The following JADE2 variants were observed in gnomAD, a reference collection of about 807,000 sequenced individuals.
The protein encoded by JADE2 is E3 ubiquitin-protein ligase Jade-2.
JADE2 carries 13 observed loss-of-function variants against 85.7 expected under a neutral mutation model. The observed-to-expected ratio is 0.15, with a 90% CI of 0.10 to 0.24. JADE2 has a LOEUF of 0.24. JADE2 is among the 10% of genes least tolerant of loss of function. The probability of loss-of-function intolerance (pLI) is 1.00; values close to 1 mark genes in which losing one functional copy is unlikely to be tolerated. For synonymous variants in JADE2, 440 were observed against 456.1 expected, an observed-to-expected ratio of 0.96 and a Z score of 0.45; for missense variants, 846 against 1,115.9, an observed-to-expected ratio of 0.76 and a Z score of 3.45.
intron 3 of JADE2, among the ~76,000 whole-genome samples, chr5:134,547,508 C>CGAGAA: frequency 1.3e-5 from 2 of 152,346 alleles, no homozygotes; most frequent in East Asian, 3.9e-4. Context: ...CAAGGCTTCT[C>CGAGAA]GTTCATCAGT....
At chr5:134,538,221 G>C (rs555903183) in intron 3 of JADE2, 138 bp downstream of exon 3, 4 of 637,074 alleles carry the variant, frequency 6.3e-6, no homozygotes, top group South Asian at 5.6e-5. Flanking sequence ...ATGAAGGGGA[G>C]TAGGGGCCAG....
At chr5:134,533,630 C>T (rs542602985) in intron 1 of JADE2, 11 of 966,750 alleles carry the variant, frequency 1.1e-5, no homozygotes, top group Non-Finnish European at 1.2e-5. Context: ...CTCCACCCAC[C>T]GATGTCAGGA....
At chr5:134,553,384 T>C (rs375871514) in intron 4 of JADE2, among the ~76,000 whole-genome samples, 1 of 149,810 alleles carries the variant, frequency 6.7e-6, no homozygotes, top group African/African-American at 2.5e-5. Flanking sequence ...AGACGGAGTC[T>C]CGCTCTTTCG....
chr5:134,544,093 G>A (rs985598302), intron 3 of JADE2, among the ~76,000 whole-genome samples: 6 of 152,254 alleles, frequency 3.9e-5, no homozygotes, highest in South Asian at 2.1e-4. Context: ...CAGGCCAAGC[G>A]GTGGGGGTTT....
intron 9 of JADE2, among the ~76,000 whole-genome samples, chr5:134,569,000 T>G (rs1763827780): frequency 6.6e-6 from 1 of 152,248 alleles, no homozygotes; most frequent in Non-Finnish European, 1.5e-5. Flanking sequence ...CTTGGTAGCC[T>G]GACTTTGCAT....
intron 1 of JADE2, chr5:134,526,741 G>A (rs756437820): frequency 1.0e-6 from 1 of 985,480 alleles, no homozygotes. Context: ...TTGGAGGGGC[G>A]GGGGACACCC....
chr5:134,537,417 A>G (rs111390050), intron 2 of JADE2, among the ~76,000 whole-genome samples: 1,636 of 152,330 alleles, frequency 0.011, 11 homozygotes, highest in Non-Finnish European at 0.017. Flanking sequence ...CTTATTCCTC[A>G]CCACAGCCCT....
At chr5:134,526,116 C>CTTTA in intron 1 of JADE2, 105 bp downstream of exon 1, 2 of 984,966 alleles carry the variant, frequency 2.0e-6, no homozygotes, top group Non-Finnish European at 2.4e-6. Context: ...CTCTCTCTTG[C>CTTTA]TCGCTCGCTC....
chr5:134,526,610 C>T (rs1760839928), intron 1 of JADE2: 1 of 985,434 alleles, frequency 1.0e-6, no homozygotes, highest in Non-Finnish European at 1.2e-6. Context: ...AGACACCTTC[C>T]GGGGGCCACC....
chr5:134,549,529 C>T (rs1033712768), intron 3 of JADE2, among the ~76,000 whole-genome samples: 4 of 152,078 alleles, frequency 2.6e-5, no homozygotes, highest in African/African-American at 7.2e-5. Context: ...AGGTGGCGGG[C>T]ACCTGTAATT....
chr5:134,557,102 AG>A, intron 4 of JADE2, among the ~76,000 whole-genome samples: 1 of 149,274 alleles, frequency 6.7e-6, no homozygotes, highest in Non-Finnish European at 1.5e-5. Flanking sequence ...ACACACACAC[AG>A]TGATTACTGT....
At chr5:134,564,973 C>G (rs2149988424) in intron 8 of JADE2, among the ~76,000 whole-genome samples, 1 of 152,302 alleles carries the variant, frequency 6.6e-6, no homozygotes, top group South Asian at 2.1e-4. Flanking sequence ...TCTAGCTAAG[C>G]TAATAGACTG....
intron 3 of JADE2, 144 bp downstream of exon 3, chr5:134,538,227 G>A (rs1371199571): frequency 8.0e-6 from 5 of 628,282 alleles, no homozygotes; most frequent in South Asian, 1.9e-5. Context: ...GGGAGTAGGG[G>A]CCAGTTTCCC....
At chr5:134,546,357 G>A (rs1299900234) in intron 3 of JADE2, among the ~76,000 whole-genome samples, 1 of 152,118 alleles carries the variant, frequency 6.6e-6, no homozygotes, top group Non-Finnish European at 1.5e-5. Context: ...AGCATTTCTT[G>A]AGTACCTGCT....
chr5:134,551,380 G>C (rs2589410), intron 3 of JADE2, among the ~76,000 whole-genome samples: 107,643 of 151,826 alleles, frequency 0.71, 38,730 homozygotes, highest in African/African-American at 0.81. Flanking sequence ...AGGCATGTGC[G>C]ACCACACCCA....
Position 134,537,923 on chromosome 5 carries a change from C to T in JADE2, c.59-66C>T, listed in dbSNP as rs977017975. ...GGGCTTTGCTTAGAAGCTTCCTATTCTTGGGCATGAGTGGGTGGTGCTCCT... is the reference window on the plus strand; with the variant it reads ...GGGCTTTGCTTAGAAGCTTCCTATTTTTGGGCATGAGTGGGTGGTGCTCCT... On this transcript the variant is annotated intron_variant, in intron 2 of 11. Coordinates refer to ENST00000681547, the MANE Select transcript of JADE2 (RefSeq NM_001388185.1). 6 of 1,194,642 alleles carry T rather than the reference C, an allele frequency of 5.0e-6. No individual in the cohort carries two copies. In the African/African-American group the frequency reaches 6.1e-5, roughly 12 times the overall value. 74.0% of individuals were successfully genotyped at this position (1,194,642 alleles called of 1,614,324 possible).
chr5:134,538,089 T>C lies in JADE2; in HGVS notation c.153+6T>C. 6.2e-7 allele frequency: 1 copy of C among 1,603,646 alleles called. No homozygotes were observed. The highest frequency in any genetic ancestry group is 8.5e-7 in the Non-Finnish European group (1 of 1,170,574). Reference sequence around the variant, plus strand: ...ACGAAAAGAAGCCCTCCGAGGTGGGTAGTGATGAGCTTCCCAGAGATCTGT... The same window carrying C: ...ACGAAAAGAAGCCCTCCGAGGTGGGCAGTGATGAGCTTCCCAGAGATCTGT... On this transcript the variant is annotated splice_donor_region_variant and intron_variant, in intron 3 of 11. Coordinates refer to ENST00000681547, the MANE Select transcript of JADE2 (RefSeq NM_001388185.1).
Position 134,566,685 on chromosome 5 carries a change from C to T in JADE2, c.1434+105C>T. ...CAGCTAGGACTCACCAGGACTCAAA[C>T]TGTGAGCTCTGGTGGACCGGCCCTG... On this transcript the variant is annotated intron_variant, in intron 9 of 11. Coordinates refer to ENST00000681547, the MANE Select transcript of JADE2 (RefSeq NM_001388185.1). This position sits in a 1 kb window ranked among gnomAD's most constrained non-coding sequence, Gnocchi z 6.7. 2 of 871,080 alleles carry T rather than the reference C, an allele frequency of 2.3e-6. No individual in the cohort carries two copies. The highest frequency in any genetic ancestry group is 3.4e-6 in the Non-Finnish European group (2 of 580,950). The allele number at this position is 871,080 out of a possible 1,614,324, so 54.0% of individuals were successfully genotyped here. A position where few individuals can be genotyped will look rare whatever the true frequency, so the allele number is the denominator to read the frequency against.
chr5:134,534,742 GAGTC>G (rs930358865), intron 1 of JADE2, among the ~76,000 whole-genome samples: 3 of 152,190 alleles, frequency 2.0e-5, no homozygotes, highest in Admixed American at 6.5e-5. Context: ...TTGCTGTGGG[GAGTC>G]AGTCAGGGAA....
Sources: gnomAD v4.1 joint callset for allele counts (sites outside exome capture counted in the v4.1 genomes callset) on GRCh38, gnomAD v4.1.1 for gene constraint, Gnocchi (gnomAD v3.1) non-coding constraint, MANE v1.5 for transcripts, NCBI Gene and HGNC (gene_info 2026-07-23, HGNC 2026-07-21) for gene names.